Variants in AARS1 observed in about 807,000 individuals in gnomAD.
The protein encoded by AARS1 is alanyl-tRNA synthetase 1.
A neutral mutation model predicts 108.9 loss-of-function variants in AARS1; 72 were observed. The ratio of observed to expected loss-of-function variants is 0.66; its 90% CI spans 0.55 to 0.80. The LOEUF (loss-of-function observed/expected upper bound fraction) is 0.80. Ranked by LOEUF, AARS1 falls within the 30% of genes least tolerant of loss-of-function variation. The probability of loss-of-function intolerance (pLI) is 0.00; values close to 1 mark genes in which losing one functional copy is unlikely to be tolerated. For synonymous variants in AARS1, 489 were observed against 465.7 expected, an observed-to-expected ratio of 1.05 and a Z score of -0.64; for missense variants, 1,193 against 1,233.2, an observed-to-expected ratio of 0.97 and a Z score of 0.49.
chr16:70,264,943 A>T lies in AARS1; in HGVS notation c.1492+15T>A, dbSNP rs1380876727. ...GGGCAGAATGCTCAGATGTGGAAGG[A>T]GCACAGCAACATACCATAGCTACCA... On this transcript the variant is annotated intron_variant, in intron 11 of 20. Transcript: ENST00000261772. 1 of 1,613,986 alleles carries T rather than the reference A, an allele frequency of 6.2e-7. No homozygotes were observed. Among genetic ancestry groups the T allele is most frequent in the East Asian group, 2.2e-5 (1 of 44,890 alleles).
chr16:70,255,794 C>T lies in AARS1; in HGVS notation c.2220G>A (p.Val740=), dbSNP rs752799156. The T allele has an allele frequency of 1.2e-6, 2 of 1,614,186 alleles. No homozygotes were observed. The highest frequency in any genetic ancestry group is 2.2e-5 in the South Asian group (2 of 91,082). The change falls in exon 16 of 21, where the codon GTG becomes GTA. Residue 740 remains valine (V), a synonymous_variant. Transcript: ENST00000261772. ...NSSHAGAFVI[V]TEEAIAKGIR... is the part of the protein sequence containing the mutation. ...TACCCTTGGCAATGGCTTCTTCCGT[C>T]ACGATCACAAAAGCTCCTGCATGAC...
rs56394253 is a variant in AARS1 at position 70,269,322 on chromosome 16, G to GAAAAA, written c.962+291_962+295dup. On this transcript the variant is annotated intron_variant, in intron 7 of 20. Coordinates refer to ENST00000261772, the MANE Select transcript of AARS1 (RefSeq NM_001605.3). The stretch of plus-strand genomic sequence containing the variant: ...GCAACAAAAGCAAAATTCTGTCTCA[G>GAAAAA]AAAAAAAAAAAAAAAAAAAAAAAAA... Among the ~76,000 whole-genome samples the GAAAAA allele has an allele frequency of 3.1e-4, 20 of 64,264 alleles. 1 individual carries two copies. Among genetic ancestry groups the GAAAAA allele is most frequent in the East Asian group, 5.0e-4 (1 of 1,982 alleles). 42.2% of individuals were successfully genotyped at this position (64,264 alleles called of 152,430 possible).
At chr16:70,281,881 G>A (rs1028431937) in intron 2 of AARS1, among the ~76,000 whole-genome samples, 1 of 151,636 alleles carries the variant, frequency 6.6e-6, no homozygotes, top group African/African-American at 2.4e-5. Flanking sequence ...GCCGGGCGTG[G>A]TGGCTCATGC....
Position 70,267,755 on chromosome 16 carries a change from T to A in AARS1, c.1126A>T (p.Asn376Tyr). The change falls in exon 9 of 21, where the codon AAT becomes TAT. Residue 376 changes from asparagine to tyrosine, a missense_variant. Coordinates refer to ENST00000261772, the MANE Select transcript of AARS1 (RefSeq NM_001605.3). The stretch of plus-strand genomic sequence containing the variant: ...TTGAGAAACTGCACCTCTTCTTCAT[T>A]AATGATGTCCTTCACCATGTCTGGG... ...KDPDMVKDII[N>Y]EEEVQFLKTL... 6.2e-7 allele frequency: 1 copy of A among 1,614,192 alleles called. No individual in the cohort carries two copies. The highest frequency in any genetic ancestry group is 8.5e-7 in the Non-Finnish European group (1 of 1,180,032).
intron 16 of AARS1, among the ~76,000 whole-genome samples, chr16:70,255,079 A>G (rs978191826): frequency 2.0e-5 from 3 of 152,128 alleles, no homozygotes; most frequent in South Asian, 4.1e-4. Flanking sequence ...ACGGCCTCAG[A>G]CTAAGCACGC....
At chr16:70,267,588 G>A in intron 9 of AARS1, 71 bp downstream of exon 9, 2 of 1,587,040 alleles carry the variant, frequency 1.3e-6, no homozygotes, top group South Asian at 1.1e-5. Context: ...CAGTCAGTCT[G>A]TCAGAAAGGG....
chr16:70,269,579 G>C (rs1489384298), intron 7 of AARS1, 39 bp downstream of exon 7: 8 of 1,611,248 alleles, frequency 5.0e-6, no homozygotes, highest in Non-Finnish European at 6.8e-6. Flanking sequence ...AGCACACGTG[G>C]TGCCGCTCCA....
chr16:70,289,052 A>T (rs1960954023), intron 1 of AARS1, among the ~76,000 whole-genome samples: 2 of 151,216 alleles, frequency 1.3e-5, no homozygotes, highest in African/African-American at 4.9e-5. Context: ...CTGGACCGGC[A>T]TCAGCTGTTT....
intron 12 of AARS1, 92 bp downstream of exon 12, chr16:70,262,254 G>C: frequency 6.7e-7 from 1 of 1,493,490 alleles, no homozygotes; most frequent in South Asian, 1.1e-5. Flanking sequence ...TGTCAGGTCT[G>C]CTCCCAAGGC....
chr16:70,261,188 T>C (rs1386581610), intron 12 of AARS1, 31 bp from the exon 13 acceptor site: 1 of 1,506,612 alleles, frequency 6.6e-7, no homozygotes, highest in Admixed American at 1.7e-5. Flanking sequence ...GACCAATAAA[T>C]AAATCCTTAA....
rs368681927 is a variant in AARS1, at chr16:70,259,254, TCCC to T, written c.1786-71_1786-69del. The T allele has an allele frequency of 1.3e-5, 20 of 1,488,364 alleles. No individual in the cohort carries two copies. In the African/African-American group the frequency reaches 1.9e-4, roughly 14 times the overall value. 92.2% of individuals were successfully genotyped at this position (1,488,364 alleles called of 1,614,324 possible). Reference sequence around the variant, plus strand: ...TGCTAGTTATCTCCTCGTTATCTGCTCCCCCGAGTGCTACAATTTTTAGTTGGA... The same window carrying T: ...TGCTAGTTATCTCCTCGTTATCTGCTCCGAGTGCTACAATTTTTAGTTGGA... On this transcript the variant is annotated intron_variant, in intron 13 of 20. Coordinates refer to ENST00000261772, the MANE Select transcript of AARS1 (RefSeq NM_001605.3).
intron 16 of AARS1, 87 bp downstream of exon 16, chr16:70,255,641 C>T (rs1043657943): frequency 5.8e-6 from 7 of 1,206,938 alleles, no homozygotes; most frequent in Admixed American, 1.8e-5. Context: ...GCAGCAGCCA[C>T]GCAGAGCAGT....
chr16:70,264,466 G>A (rs958477422), intron 11 of AARS1, among the ~76,000 whole-genome samples: 7 of 151,852 alleles, frequency 4.6e-5, no homozygotes, highest in South Asian at 2.1e-4. Flanking sequence ...ACAGGGGCAC[G>A]CCACCACGCC....
At chr16:70,262,681 G>A (rs1406239843) in intron 11 of AARS1, among the ~76,000 whole-genome samples, 157 bp from the exon 12 acceptor site, 1 of 152,028 alleles carries the variant, frequency 6.6e-6, no homozygotes, top group Non-Finnish European at 1.5e-5. Context: ...ATATGAAAGG[G>A]CTTCGCGGCC....
chr16:70,279,559 G>C (rs1434220897), intron 2 of AARS1, among the ~76,000 whole-genome samples: 1 of 150,476 alleles, frequency 6.6e-6, no homozygotes, highest in Non-Finnish European at 1.5e-5. Context: ...ACTCGGGAGG[G>C]TGAAGCAGGA....
intron 1 of AARS1, among the ~76,000 whole-genome samples, chr16:70,283,254 G>A (rs1960748617): frequency 6.6e-6 from 1 of 151,998 alleles, no homozygotes; most frequent in South Asian, 2.1e-4. Context: ...AAAAGTAACT[G>A]GGCATGGTGG....
chr16:70,273,317 T>G (rs1960455877), intron 4 of AARS1, among the ~76,000 whole-genome samples: 1 of 152,154 alleles, frequency 6.6e-6, no homozygotes. Flanking sequence ...AGATTCTCCT[T>G]GATGCAGCAC....
In AARS1 at chr16:70,282,741, C is replaced by G; in HGVS notation, c.23G>C (p.Ser8Thr). ...ATCTATAAATCGCTGCCGGATTTCACTTGCTGTTAGAGTAGAGTCCATCTT... is the reference window on the plus strand; with the variant it reads ...ATCTATAAATCGCTGCCGGATTTCAGTTGCTGTTAGAGTAGAGTCCATCTT... Reference protein sequence around the residue: MDSTLTASEIRQRFIDFF... With the variant: MDSTLTATEIRQRFIDFF... Residue 8 changes from serine (S) to threonine (T), a missense_variant, in exon 2 of 21, where the codon AGT (serine) becomes ACT (threonine). Coordinates refer to ENST00000261772, the MANE Select transcript of AARS1 (RefSeq NM_001605.3). 3 of 1,614,074 alleles carry G rather than the reference C, an allele frequency of 1.9e-6. No homozygotes were observed. Among genetic ancestry groups the G allele is most frequent in the Non-Finnish European group, 1.7e-6 (2 of 1,180,018 alleles).
chr16:70,286,864 C>A (rs1960856835), intron 1 of AARS1, among the ~76,000 whole-genome samples: 1 of 151,570 alleles, frequency 6.6e-6, no homozygotes, highest in Admixed American at 6.6e-5. Context: ...GCCTGTAATC[C>A]CAGCACTTTG....
Sources: gnomAD v4.1 joint callset for allele counts (sites outside exome capture counted in the v4.1 genomes callset) on GRCh38, gnomAD v4.1.1 for gene constraint, MANE v1.5 for transcripts, NCBI Gene and HGNC (gene_info 2026-07-23, HGNC 2026-07-21) for gene names.